Variants in SLC22A25 observed in about 807,000 individuals in gnomAD.
SLC22A25 encodes the protein MGI:2442751, MGI:2385316, MGI:3042283, MGI:3645714, MGI:3605624, MGI:2442750.
A neutral mutation model predicts 45.9 loss-of-function variants in SLC22A25; 44 were observed. That is an observed-to-expected ratio of 0.96 (90% CI 0.75 to 1.23). The LOEUF is 1.23. SLC22A25 is among the 50% of genes most tolerant of loss of function. SLC22A25 has a pLI of 0.00. For missense variants in SLC22A25, 800 were observed against 666.4 expected, an observed-to-expected ratio of 1.20 and a Z score of -2.21; for synonymous variants, 283 against 238.6, an observed-to-expected ratio of 1.19 and a Z score of -1.72.
At chr11:63,184,368 T>C (rs566605581) in intron 7 of SLC22A25, among the ~76,000 whole-genome samples, 27 of 152,254 alleles carry the variant, frequency 1.8e-4, no homozygotes, top group African/African-American at 6.5e-4. Context: ...GAGGAACTAA[T>C]GGATGAGCCT....
intron 7 of SLC22A25, among the ~76,000 whole-genome samples, chr11:63,197,237 A>G (rs1158267594): frequency 6.6e-6 from 1 of 151,970 alleles, no homozygotes; most frequent in Admixed American, 6.6e-5. Context: ...ACTTTCTTCA[A>G]ACAATCAGAA....
intron 9 of SLC22A25, among the ~76,000 whole-genome samples, chr11:63,179,680 GA>G (rs544180301): frequency 6.6e-6 from 1 of 152,034 alleles, no homozygotes; most frequent in Non-Finnish European, 1.5e-5. Flanking sequence ...GGTTGGGCTA[GA>G]AAAAAACTAA....
chr11:63,164,650 C>G lies in SLC22A25; in HGVS notation c.1286-16G>C. The G allele has an allele frequency of 6.3e-7, 1 of 1,598,140 alleles. No individual in the cohort carries two copies. Among genetic ancestry groups the G allele is most frequent in the Non-Finnish European group, 8.6e-7 (1 of 1,165,996 alleles). On this transcript the variant is annotated splice_polypyrimidine_tract_variant and intron_variant, in intron 10 of 11. Transcript: ENST00000306494. Reference sequence around the variant, plus strand: ...GTCTGCATTTCTGGAGAAAGGAAGACCACAGGGCCTCAGGAAATCTGAGCT... The same window carrying G: ...GTCTGCATTTCTGGAGAAAGGAAGAGCACAGGGCCTCAGGAAATCTGAGCT...
chr11:63,211,563 G>T (rs1190932767), intron 7 of SLC22A25, among the ~76,000 whole-genome samples: 1 of 152,108 alleles, frequency 6.6e-6, no homozygotes, highest in African/African-American at 2.4e-5. Flanking sequence ...CTGCCGCAAG[G>T]GTTTAAGAAT....
At chr11:63,178,536 T>C (rs1430493586) in intron 9 of SLC22A25, among the ~76,000 whole-genome samples, 1 of 151,888 alleles carries the variant, frequency 6.6e-6, no homozygotes, top group Non-Finnish European at 1.5e-5. Context: ...CTTATTGTGG[T>C]TTTAATTTAC....
At chr11:63,196,181 G>A (rs913161674) in intron 7 of SLC22A25, among the ~76,000 whole-genome samples, 1 of 152,156 alleles carries the variant, frequency 6.6e-6, no homozygotes, top group African/African-American at 2.4e-5. Flanking sequence ...GGTACAAAGA[G>A]GAGCTGGTAC....
At chr11:63,209,631 G>C (rs1372798881) in intron 7 of SLC22A25, among the ~76,000 whole-genome samples, 1 of 152,148 alleles carries the variant, frequency 6.6e-6, no homozygotes, top group African/African-American at 2.4e-5. Flanking sequence ...ACAAGTTTAT[G>C]ATGACCAGGG....
chr11:63,243,565 C>T lies in SLC22A25; in HGVS notation c.-1127G>A, dbSNP rs1378399419. The stretch of plus-strand genomic sequence containing the variant: ...CTGCCAAAAAGCTGTGCATTTATAC[C>T]GACAACTCCATCAAGCCTCAGGAGC... On this transcript the variant is annotated 5_prime_UTR_variant, in exon 1 of 12. Transcript: ENST00000306494. The T allele has an allele frequency of 1.7e-5, 13 of 762,256 alleles. No individual in the cohort carries two copies. The highest frequency in any genetic ancestry group is 3.5e-5 in the Admixed American group (2 of 57,564). 47.2% of individuals were successfully genotyped at this position (762,256 alleles called of 1,614,324 possible).
chr11:63,171,078 A>T lies in SLC22A25; in HGVS notation c.1071-4820T>A, dbSNP rs1319347940. ...TGACAATAGCCACACGATTATCTCA[A>T]TAGATGCAGAAAAGACCTTCAATCA... On this transcript the variant is annotated intron_variant, in intron 9 of 11. Coordinates refer to ENST00000306494, the MANE Select transcript of SLC22A25 (RefSeq NM_199352.6). Among the ~76,000 whole-genome samples the T allele has an allele frequency of 2.0e-5, 3 of 152,242 alleles. No individual in the cohort carries two copies. The East Asian group carries it at 5.8e-4, about 29-fold the overall frequency.
At chr11:63,167,253 C>G (rs1011041513) in intron 9 of SLC22A25, 5 of 151,822 alleles carry the variant, frequency 3.3e-5, no homozygotes, top group South Asian at 2.1e-4. Flanking sequence ...TGGGGAGACA[C>G]TGAGCTAGCT....
At chr11:63,188,007 T>C (rs1029836733) in intron 7 of SLC22A25, among the ~76,000 whole-genome samples, 1 of 152,168 alleles carries the variant, frequency 6.6e-6, no homozygotes, top group African/African-American at 2.4e-5. Context: ...TAAAATTCTC[T>C]TTTTTTATTG....
At chr11:63,242,680 G>C (rs2090269352) in intron 1 of SLC22A25, among the ~76,000 whole-genome samples, 1 of 152,146 alleles carries the variant, frequency 6.6e-6, no homozygotes, top group Non-Finnish European at 1.5e-5. Context: ...GACACACCCA[G>C]GTACAATACT....
At chr11:63,207,627 T>A (rs2089441709) in intron 7 of SLC22A25, among the ~76,000 whole-genome samples, 1 of 152,176 alleles carries the variant, frequency 6.6e-6, no homozygotes, top group Non-Finnish European at 1.5e-5. Context: ...CTCAGCTGTA[T>A]GTAAGAAAAC....
chr11:63,187,320 G>A (rs548722997), intron 7 of SLC22A25, among the ~76,000 whole-genome samples: 1 of 152,264 alleles, frequency 6.6e-6, no homozygotes, highest in African/African-American at 2.4e-5. Context: ...GCGAATGGGA[G>A]TTCACTCATG....
intron 9 of SLC22A25, among the ~76,000 whole-genome samples, chr11:63,171,787 G>A (rs571233494): frequency 8.6e-5 from 13 of 151,994 alleles, no homozygotes; most frequent in South Asian, 2.1e-4. Flanking sequence ...GACTTTTTTT[G>A]CAGAACTAGA....
chr11:63,184,890 T>C (rs546726789), intron 7 of SLC22A25, among the ~76,000 whole-genome samples: 1 of 152,280 alleles, frequency 6.6e-6, no homozygotes, highest in Non-Finnish European at 1.5e-5. Context: ...TTATGGGTTA[T>C]TGGTTTAGCA....
intron 11 of SLC22A25, among the ~76,000 whole-genome samples, 180 bp from the exon 12 acceptor site, chr11:63,164,253 A>T (rs2087603060): frequency 6.6e-6 from 1 of 152,218 alleles, no homozygotes; most frequent in Admixed American, 6.5e-5. Context: ...AGTGAATTAG[A>T]CACATTTTTA....
In SLC22A25 at chr11:63,229,495, A is replaced by G. The variant is rs1263709911; in HGVS notation, c.158T>C (p.Ile53Thr). 4 of 1,614,066 alleles carry G rather than the reference A, an allele frequency of 2.5e-6. No homozygotes were observed. Among genetic ancestry groups the G allele is most frequent in the Non-Finnish European group, 3.4e-6 (4 of 1,180,016 alleles). The change falls in exon 4 of 12, where the codon ATA becomes ACA. Residue 53 changes from isoleucine to threonine, a missense_variant. Ile to Thr is a moderately conservative substitution (Grantham distance 89). Transcript: ENST00000306494. ...FILDHRCWVH[I>T]LDNDTIPDND... Reference sequence around the variant, plus strand: ...GTCAGGGATAGTGTCATTGTCCAGTATATGAACCCAGCAGCGATGATCAAG... The same window carrying G: ...GTCAGGGATAGTGTCATTGTCCAGTGTATGAACCCAGCAGCGATGATCAAG...
chr11:63,166,306 A>T, intron 9 of SLC22A25, 48 bp from the exon 10 acceptor site: 1 of 1,595,054 alleles, frequency 6.3e-7, no homozygotes. Context: ...GTGGAACCTA[A>T]ATCCTACAAA....
Sources: allele counts gnomAD v4.1 joint callset (sites outside exome capture counted in the v4.1 genomes callset), GRCh38; gene constraint gnomAD v4.1.1; transcripts MANE v1.5; gene names NCBI Gene and HGNC (gene_info 2026-07-23, HGNC 2026-07-21).